KCNH2: variants seen among roughly 807,000 people sequenced by gnomAD.
KCNH2 encodes the protein voltage-gated inwardly rectifying potassium channel KCNH2.
A neutral mutation model predicts 95.9 loss-of-function variants in KCNH2; 35 were observed. The observed-to-expected ratio is 0.37, with a 90% CI of 0.28 to 0.48. KCNH2 has a LOEUF of 0.48. Ranked by LOEUF, KCNH2 falls within the 20% of genes least tolerant of loss-of-function variation. The pLI is 0.99. For synonymous variants in KCNH2, 786 were observed against 754.7 expected (o/e 1.04, Z -0.68); for missense variants, 1,274 against 1,702.9 (o/e 0.75, Z 4.43).
chr7:150,950,255 G>A lies in KCNH2; in HGVS notation c.2311C>T (p.His771Tyr). 1 of 1,613,724 alleles carries A rather than the reference G, an allele frequency of 6.2e-7. No individual in the cohort carries two copies. The highest frequency in any genetic ancestry group is 8.5e-7 in the Non-Finnish European group (1 of 1,179,848). Residue 771 changes from histidine to tyrosine, a missense_variant, in exon 9 of 15, where the codon CAT becomes TAT. This residue lies in a region of KCNH2 where 159 missense variants were observed against 282.5 expected (regional missense o/e 0.56). Transcript: ENST00000262186. Reference sequence around the variant, plus strand: ...AGGGCGGTGAGCAGGTCCCCAGCATGCACCAGTGTGTCCCCTGGCGGTGCA... The same window carrying A: ...AGGGCGGTGAGCAGGTCCCCAGCATACACCAGTGTGTCCCCTGGCGGTGCA... ...THAPPGDTLV[H>Y]AGDLLTALYF...
chr7:150,959,565 C>T lies in KCNH2; in HGVS notation c.472+7G>A, dbSNP rs896402461. The stretch of plus-strand genomic sequence containing the variant: ...CCCTGAGCCTGCCCTAAAGCAAGTA[C>T]ACTTACCTGGGGCCAGCCAGCTGGT... On this transcript the variant is annotated splice_region_variant and intron_variant, in intron 3 of 14. Transcript: ENST00000262186. The T allele has an allele frequency of 1.2e-6, 2 of 1,614,010 alleles. No individual in the cohort carries two copies. The highest frequency in any genetic ancestry group is 1.7e-6 in the Non-Finnish European group (2 of 1,179,924).
Position 150,958,192 on chromosome 7 carries a change from C to T in KCNH2, c.783G>A (p.Ser261=), listed in dbSNP as rs769470521. The T allele has an allele frequency of 3.5e-5, 48 of 1,359,854 alleles. No individual in the cohort carries two copies. The highest frequency in any genetic ancestry group is 9.4e-6 in the Non-Finnish European group (10 of 1,058,858). The allele number at this position is 1,359,854 out of a possible 1,614,324, so 84.2% of individuals were successfully genotyped here. A position where few individuals can be genotyped will look rare whatever the true frequency, so the allele number is the denominator to read the frequency against. ...TCCGGGCCAGGCTGCAGCTGGAGCC[C>T]GAGGCGTCGGGGTTGAGGCTGTGCG... ...PRAHSLNPDA[S]GSSCSLARTR... is the part of the protein sequence containing the mutation. Residue 261 remains serine (S), a synonymous_variant, in exon 4 of 15, where the codon TCG becomes TCA. Transcript: ENST00000262186.
intron 2 of KCNH2, among the ~76,000 whole-genome samples, chr7:150,966,512 C>T (rs1329759350): frequency 1.3e-5 from 2 of 151,082 alleles, no homozygotes; most frequent in Non-Finnish European, 2.9e-5. Flanking sequence ...GTGATCCAAA[C>T]ATAAACAGCG....
Position 150,978,002 on chromosome 7 carries a change from T to C in KCNH2, c.-89A>G. 1 of 588,164 alleles carries C rather than the reference T, an allele frequency of 1.7e-6. No homozygotes were observed. Among genetic ancestry groups the C allele is most frequent in the Non-Finnish European group, 2.4e-6 (1 of 409,868 alleles). 36.4% of individuals were successfully genotyped at this position (588,164 alleles called of 1,614,324 possible). ...GGCTTCGGGTGGCCCGGCCGGGCCG[T>C]GGTCCCCGCACCCCGCGGCCAAGCC... On this transcript the variant is annotated 5_prime_UTR_variant, in exon 1 of 15. Transcript: ENST00000262186.
chr7:150,947,548 T>C (rs1800950803), intron 12 of KCNH2, 34 bp from the exon 13 acceptor site: 1 of 1,601,208 alleles, frequency 6.2e-7, no homozygotes, highest in African/African-American at 1.3e-5. Flanking sequence ...GTGAGCGGGG[T>C]AGACGCACCA....
chr7:150,971,350 G>T (rs1404980920), intron 2 of KCNH2, among the ~76,000 whole-genome samples: 1 of 152,162 alleles, frequency 6.6e-6, no homozygotes. Context: ...CTGGACAGCA[G>T]GTCCCCACCC....
In KCNH2 at chr7:150,951,661, G is replaced by A. The variant is rs1001586885; in HGVS notation, c.1732C>T (p.His578Tyr). The A allele has an allele frequency of 1.2e-6, 2 of 1,614,246 alleles. No individual in the cohort carries two copies. The highest frequency in any genetic ancestry group is 1.7e-6 in the Non-Finnish European group (2 of 1,180,044). ...AGCCAGCCGATGCGTGAGTCCATGT[G>A]TGGCTGCTCCATGTTGCCGATGGCG... ...WYAIGNMEQP[H>Y]MDSRIGWLHN... Residue 578 changes from histidine (H) to tyrosine (Y), a missense_variant, in exon 7 of 15, where the codon CAC (histidine) becomes TAC (tyrosine). Transcript: ENST00000262186.
intron 5 of KCNH2, among the ~76,000 whole-genome samples, chr7:150,954,451 C>G (rs1412651589): frequency 1.3e-5 from 2 of 152,182 alleles, no homozygotes; most frequent in Non-Finnish European, 2.9e-5. Flanking sequence ...GCAACACTGC[C>G]CCAGGGTACA....
Position 150,946,917 on chromosome 7 carries a change from A to G in KCNH2, c.3290T>C (p.Val1097Ala), listed in dbSNP as rs1484012284. 6.3e-7 allele frequency: 1 copy of G among 1,593,426 alleles called. No homozygotes were observed. The highest frequency in any genetic ancestry group is 1.1e-5 in the South Asian group (1 of 88,480). ...GPTSTSPLLP[V>A]SPLPTLTLDS... Reference sequence around the variant, plus strand: ...CAAGGTGAGGGTGGGGAGGGGGCTGACGGGCAACAGCGGGGATGTGGAAGT... The same window carrying G: ...CAAGGTGAGGGTGGGGAGGGGGCTGGCGGGCAACAGCGGGGATGTGGAAGT... The change falls in exon 14 of 15, where the codon GTC becomes GCC. Residue 1097 changes from valine (V) to alanine (A), a missense_variant. By Grantham distance (64) the Val-to-Ala change is moderately conservative. Around this residue, in one of 7 missense-constraint regions of KCNH2, gnomAD observed 457 missense variants for 416.1 expected, o/e 1.10. Transcript: ENST00000262186. This position sits in a 1 kb window ranked among gnomAD's most constrained non-coding sequence, Gnocchi z 6.5.
intron 2 of KCNH2, 85 bp from the exon 3 acceptor site, chr7:150,959,821 G>A (rs1801505717): frequency 4.0e-6 from 6 of 1,501,416 alleles, no homozygotes; most frequent in South Asian, 2.3e-5. Flanking sequence ...TGGAACCCAA[G>A]TGGGCCCGTC....
intron 2 of KCNH2, among the ~76,000 whole-genome samples, chr7:150,972,287 C>G (rs1022013442): frequency 1.3e-4 from 20 of 152,252 alleles, no homozygotes; most frequent in African/African-American, 4.8e-4. Flanking sequence ...GAGGCTGGCC[C>G]AGGCAGAGAC....
At chr7:150,951,323 A>T in intron 7 of KCNH2, 125 bp downstream of exon 7, 1 of 1,267,846 alleles carries the variant, frequency 7.9e-7, no homozygotes. Flanking sequence ...CCATGTCACG[A>T]TGGTGGCCCC....
intron 5 of KCNH2, chr7:150,955,912 C>G (rs1199975509): frequency 1.2e-5 from 11 of 910,298 alleles, no homozygotes; most frequent in Non-Finnish European, 1.3e-5. Flanking sequence ...GCCCCCTCCC[C>G]CGCAGCCCGC....
At chr7:150,956,896 C>T (rs1167478373) in intron 5 of KCNH2, among the ~76,000 whole-genome samples, 1 of 152,076 alleles carries the variant, frequency 6.6e-6, no homozygotes, top group Non-Finnish European at 1.5e-5. Context: ...TTGGCTTGGC[C>T]CCTAGTACTT....
chr7:150,949,183 C>A, intron 9 of KCNH2, 134 bp from the exon 10 acceptor site: 1 of 1,103,892 alleles, frequency 9.1e-7, no homozygotes, highest in African/African-American at 1.5e-5. Context: ...GGCCCCCAAC[C>A]CACACAACCG....
intron 2 of KCNH2, among the ~76,000 whole-genome samples, chr7:150,966,830 T>C (rs1339553519): frequency 2.0e-5 from 3 of 152,134 alleles, no homozygotes; most frequent in Non-Finnish European, 4.4e-5. Flanking sequence ...ACAGAACTCA[T>C]CTGGTAAATG....
chr7:150,951,863 G>A (rs75922165), intron 6 of KCNH2, 28 bp from the exon 7 acceptor site: 34 of 1,545,080 alleles, frequency 2.2e-5, no homozygotes, highest in African/African-American at 8.1e-5. Context: ...GGCACATTCC[G>A]TTGATGGGGC....
chr7:150,975,249 C>T (rs996763944), intron 1 of KCNH2, among the ~76,000 whole-genome samples: 1 of 152,114 alleles, frequency 6.6e-6, no homozygotes, highest in African/African-American at 2.4e-5. Flanking sequence ...GCCAGCCTGG[C>T]GGGTGTCAGC....
intron 2 of KCNH2, among the ~76,000 whole-genome samples, chr7:150,969,466 T>TGAC (rs1563183905): frequency 6.6e-6 from 1 of 151,740 alleles, no homozygotes; most frequent in African/African-American, 2.4e-5. Flanking sequence ...CCTCTGAGGG[T>TGAC]GAAGCTGGGA....
Sources: gnomAD v4.1 joint callset for allele counts (sites outside exome capture counted in the v4.1 genomes callset) on GRCh38, gnomAD v4.1.1 for gene constraint, gnomAD v4.1.1 regional missense constraint, Gnocchi (gnomAD v3.1) non-coding constraint, MANE v1.5 for transcripts, NCBI Gene and HGNC (gene_info 2026-07-23, HGNC 2026-07-21) for gene names.